MINDY4: variants seen among roughly 807,000 people sequenced by gnomAD.
MINDY4 encodes probable ubiquitin carboxyl-terminal hydrolase MINDY-4.
MINDY4 carries 68 observed loss-of-function variants against 87.0 expected under a neutral mutation model. That is an observed-to-expected ratio of 0.78 (90% CI 0.64 to 0.96). The LOEUF is 0.96. MINDY4 is among the 40% of genes least tolerant of loss of function. The pLI, the probability that MINDY4 is intolerant of heterozygous loss-of-function variation, is 0.00. For synonymous variants in MINDY4, 379 were observed against 363.2 expected, an observed-to-expected ratio of 1.04 and a Z score of -0.50; for missense variants, 919 against 928.2, an observed-to-expected ratio of 0.99 and a Z score of 0.13.
chr7:30,823,400 G>C (rs1788400916), intron 5 of MINDY4, among the ~76,000 whole-genome samples: 1 of 152,030 alleles, frequency 6.6e-6, no homozygotes, highest in South Asian at 2.1e-4. Context: ...TTCATTGACG[G>C]TATTCTGTAG....
chr7:30,846,027 G>A (rs1441904240), intron 9 of MINDY4, among the ~76,000 whole-genome samples: 2 of 152,346 alleles, frequency 1.3e-5, no homozygotes, highest in South Asian at 2.1e-4. Context: ...GGCCCTCAGA[G>A]GCGGGTGCGG....
At chr7:30,871,087 C>T (rs1405636220) in intron 13 of MINDY4, among the ~76,000 whole-genome samples, 1 of 151,802 alleles carries the variant, frequency 6.6e-6, no homozygotes, top group African/African-American at 2.4e-5. Flanking sequence ...ATGTGACCGC[C>T]AGGTTCAGTT....
chr7:30,791,005 G>A (rs971099078), intron 4 of MINDY4, among the ~76,000 whole-genome samples, 160 bp from the exon 5 acceptor site: 1 of 152,202 alleles, frequency 6.6e-6, no homozygotes, highest in Admixed American at 6.5e-5. Context: ...CATTTGAGTA[G>A]CTCCTTAAAT....
At chr7:30,878,553 AG>A (rs1402950888) in intron 15 of MINDY4, among the ~76,000 whole-genome samples, 3 of 152,146 alleles carry the variant, frequency 2.0e-5, no homozygotes, top group Non-Finnish European at 4.4e-5. Flanking sequence ...CTCACCGGTA[AG>A]GGGTGGACTG....
At chr7:30,864,434 A>T (rs548952532) in intron 13 of MINDY4, among the ~76,000 whole-genome samples, 5 of 152,378 alleles carry the variant, frequency 3.3e-5, no homozygotes, top group African/African-American at 1.2e-4. Context: ...ACTGATTCCT[A>T]TCAGAAGCCC....
intron 4 of MINDY4, among the ~76,000 whole-genome samples, chr7:30,789,289 G>T (rs750444608): frequency 2.6e-5 from 4 of 152,116 alleles, no homozygotes; most frequent in Non-Finnish European, 5.9e-5. Flanking sequence ...CTGCTTCACT[G>T]CCAAGGGCAT....
intron 5 of MINDY4, among the ~76,000 whole-genome samples, chr7:30,808,456 G>T (rs1337048677): frequency 6.6e-6 from 1 of 152,168 alleles, no homozygotes; most frequent in African/African-American, 2.4e-5. Context: ...AAAAGTGTGT[G>T]TGTGTGGGTG....
chr7:30,880,505 C>T (rs533684215), intron 15 of MINDY4, among the ~76,000 whole-genome samples: 11 of 152,284 alleles, frequency 7.2e-5, no homozygotes, highest in African/African-American at 2.2e-4. Context: ...ACTTTTGTCT[C>T]TCCGTTGGAA....
intron 2 of MINDY4, among the ~76,000 whole-genome samples, chr7:30,779,017 C>T (rs2128165373): frequency 6.6e-6 from 1 of 152,260 alleles, no homozygotes; most frequent in Non-Finnish European, 1.5e-5. Flanking sequence ...GAATTGGGTT[C>T]AGCTAACCCA....
chr7:30,885,745 T>C (rs1342717284), intron 17 of MINDY4, among the ~76,000 whole-genome samples: 3 of 142,166 alleles, frequency 2.1e-5, no homozygotes, highest in South Asian at 2.4e-4. Context: ...GAGTTGGGTA[T>C]CAAGTGAGGC....
intron 6 of MINDY4, among the ~76,000 whole-genome samples, chr7:30,833,881 C>T (rs1788782057): frequency 6.6e-6 from 1 of 152,270 alleles, no homozygotes; most frequent in African/African-American, 2.4e-5. Flanking sequence ...AAGTGATCTC[C>T]TTTGACTCCA....
chr7:30,879,462 G>A (rs1790391568), intron 15 of MINDY4, among the ~76,000 whole-genome samples: 1 of 152,200 alleles, frequency 6.6e-6, no homozygotes, highest in Non-Finnish European at 1.5e-5. Context: ...GGCAGCCCGA[G>A]CAGACTAATG....
chr7:30,780,992 T>G (rs1025342065), intron 2 of MINDY4: 1 of 152,286 alleles, frequency 6.6e-6, no homozygotes, highest in African/African-American at 2.4e-5. Flanking sequence ...AGTTTGGTTG[T>G]AGTCCATGGG....
rs1420018714 is a variant in MINDY4 at position 30,782,318 on chromosome 7, A to G, written c.419+106A>G. 3.7e-6 allele frequency: 3 copies of G among 813,172 alleles called. No individual in the cohort carries two copies. The East Asian group carries it at 8.0e-5, about 22-fold the overall frequency. 50.4% of individuals were successfully genotyped at this position (813,172 alleles called of 1,614,324 possible). On this transcript the variant is annotated intron_variant, in intron 3 of 17. Transcript: ENST00000265299. The stretch of plus-strand genomic sequence containing the variant: ...CAGTATTCTCCAGAGGAACAGAATC[A>G]ATATAGTCTCTGTGTGTGTATGTTT...
intron 17 of MINDY4, among the ~76,000 whole-genome samples, chr7:30,891,181 T>G (rs1328904091): frequency 6.6e-6 from 1 of 152,094 alleles, no homozygotes; most frequent in African/African-American, 2.4e-5. Context: ...TTAGGATATC[T>G]GTATATGTAT....
chr7:30,846,412 T>G (rs927914554), intron 9 of MINDY4, among the ~76,000 whole-genome samples: 2 of 152,362 alleles, frequency 1.3e-5, no homozygotes, highest in Admixed American at 1.3e-4. Flanking sequence ...TCCCTATCTC[T>G]AGATAAATGT....
chr7:30,887,523 G>T (rs1790666928), intron 17 of MINDY4, among the ~76,000 whole-genome samples: 1 of 152,252 alleles, frequency 6.6e-6, no homozygotes. Context: ...GGCAAGTTGG[G>T]CCAGGGCTCA....
chr7:30,810,137 C>G (rs925695485), intron 5 of MINDY4, among the ~76,000 whole-genome samples: 2 of 126,844 alleles, frequency 1.6e-5, no homozygotes, highest in African/African-American at 6.2e-5. Flanking sequence ...GATTGCGCCA[C>G]ACACTCCAGC....
chr7:30,881,358 A>G (rs1205197000), intron 15 of MINDY4, among the ~76,000 whole-genome samples: 2 of 152,168 alleles, frequency 1.3e-5, no homozygotes, highest in Non-Finnish European at 2.9e-5. Flanking sequence ...ACCATGTGAA[A>G]TTCCCCTGCT....
Sources: gnomAD v4.1 joint callset for allele counts (sites outside exome capture counted in the v4.1 genomes callset) on GRCh38, gnomAD v4.1.1 for gene constraint, MANE v1.5 for transcripts, NCBI Gene and HGNC (gene_info 2026-07-23, HGNC 2026-07-21) for gene names.